Variants in ARSG observed in about 807,000 individuals in gnomAD.
ARSG encodes the protein arylsulfatase G.
Under a neutral mutation model 50.5 loss-of-function variants are expected in ARSG, and 37 were observed. That is an observed-to-expected ratio of 0.73 (90% CI 0.56 to 0.96). ARSG has a LOEUF of 0.96. Among genes scored for constraint, ARSG ranks in the 50% least tolerant of loss-of-function variants. ARSG has a pLI of 0.00. For synonymous variants in ARSG, 225 were observed against 254.6 expected (o/e 0.88, Z 1.11); for missense variants, 629 against 675.3 (o/e 0.93, Z 0.76).
chr17:68,391,603 T>G (rs1030645438), intron 9 of ARSG, among the ~76,000 whole-genome samples: 1 of 152,208 alleles, frequency 6.6e-6, no homozygotes, highest in Non-Finnish European at 1.5e-5. Context: ...CTGACTGATT[T>G]GACCCATCTG....
At chr17:68,277,998 G>A in intron 1 of ARSG, 2 of 795,674 alleles carry the variant, frequency 2.5e-6, no homozygotes, top group East Asian at 2.6e-5. Context: ...GGGAATGAAA[G>A]CATCACAAAC....
the ARSG span, among the ~76,000 whole-genome samples, chr17:68,445,455 G>A: frequency 1.3e-5 from 2 of 152,184 alleles, no homozygotes; most frequent in Non-Finnish European, 2.9e-5. Flanking sequence ...CTCCAGGCCT[G>A]CTTTTGGGCC....
chr17:68,389,546 T>C (rs989515592), intron 9 of ARSG, among the ~76,000 whole-genome samples: 2 of 151,640 alleles, frequency 1.3e-5, no homozygotes, highest in African/African-American at 2.4e-5. Context: ...CAGAAAGAAA[T>C]TTACAACTCA....
chr17:68,407,162 C>T (rs2081764488), intron 11 of ARSG, among the ~76,000 whole-genome samples: 1 of 152,072 alleles, frequency 6.6e-6, no homozygotes, highest in African/African-American at 2.4e-5. Flanking sequence ...TTGGCTTTGT[C>T]GAAGATCAGC....
At chr17:68,411,498 A>G (rs1197236083) in intron 11 of ARSG, among the ~76,000 whole-genome samples, 1 of 152,024 alleles carries the variant, frequency 6.6e-6, no homozygotes, top group Non-Finnish European at 1.5e-5. Context: ...ATAGTTTGTT[A>G]TAATTTCTGT....
downstream of ARSG, chr17:68,425,821 G>A (rs2083131460): frequency 4.9e-6 from 2 of 405,934 alleles, no homozygotes; most frequent in Non-Finnish European, 8.8e-6. Context: ...GCTGGAGGGA[G>A]GCCACCAAGA....
chr17:68,302,179 A>G (rs1485797686), intron 1 of ARSG, among the ~76,000 whole-genome samples: 1 of 152,130 alleles, frequency 6.6e-6, no homozygotes, highest in African/African-American at 2.4e-5. Context: ...TGAGCAGCTG[A>G]TGCCCAAGGC....
chr17:68,347,738 G>T (rs2078578412), intron 4 of ARSG, among the ~76,000 whole-genome samples: 1 of 152,222 alleles, frequency 6.6e-6, no homozygotes, highest in Admixed American at 6.5e-5. Flanking sequence ...CAAAGTTGCA[G>T]TTCGTGCCAC....
chr17:68,335,423 G>A (rs952645432), intron 2 of ARSG, among the ~76,000 whole-genome samples: 2 of 151,420 alleles, frequency 1.3e-5, no homozygotes, highest in Non-Finnish European at 1.5e-5. Flanking sequence ...GCGTAGTGGC[G>A]GGCGCCTGTA....
chr17:68,415,910 A>G (rs1332938901), intron 11 of ARSG, among the ~76,000 whole-genome samples: 1 of 152,146 alleles, frequency 6.6e-6, no homozygotes, highest in East Asian at 1.9e-4. Context: ...GCGAGTCCTT[A>G]TATGTTAGAT....
Position 68,377,151 on chromosome 17 carries a change from C to T in ARSG, c.982+6627C>T, listed in dbSNP as rs565415737. Among the ~76,000 whole-genome samples the T allele has an allele frequency of 8.5e-4, 130 of 152,272 alleles. 1 individual carries two copies. Among genetic ancestry groups the T allele is most frequent in the Admixed American group, 3.2e-3 (49 of 15,288 alleles). The stretch of plus-strand genomic sequence containing the variant: ...TGCTGGGATTACAGGCGTGAGCCAC[C>T]GTGCTTGGCCGACCTCAGCGATCTT... On this transcript the variant is annotated intron_variant, in intron 8 of 11. Coordinates refer to ENST00000621439, the MANE Select transcript of ARSG (RefSeq NM_001267727.2).
intron 2 of ARSG, among the ~76,000 whole-genome samples, chr17:68,312,550 C>T (rs1412057889): frequency 2.6e-5 from 4 of 152,094 alleles, no homozygotes; most frequent in African/African-American, 7.2e-5. Context: ...GTCACACTCT[C>T]ATCCTGAGCA....
chr17:68,338,854 G>A (rs2078144119), intron 2 of ARSG, among the ~76,000 whole-genome samples: 1 of 152,206 alleles, frequency 6.6e-6, no homozygotes, highest in Non-Finnish European at 1.5e-5. Flanking sequence ...AATGAAACTG[G>A]AAGGTCATTG....
At chr17:68,289,928 AGAG>A (rs1313823054), upstream of ARSG, among the ~76,000 whole-genome samples, 1 of 152,350 alleles carries the variant, frequency 6.6e-6, no homozygotes, top group Middle Eastern at 3.4e-3. Context: ...AATTATGAGA[AGAG>A]GGGTTTCTAT....
intron 2 of ARSG, among the ~76,000 whole-genome samples, chr17:68,309,197 G>A (rs1382425907): frequency 6.6e-6 from 1 of 152,242 alleles, no homozygotes; most frequent in African/African-American, 2.4e-5. Flanking sequence ...CCAGCTGGCT[G>A]CTCCGAGTGC....
the ARSG span, chr17:68,444,568 C>A: frequency 6.2e-7 from 1 of 1,613,854 alleles, no homozygotes; most frequent in Non-Finnish European, 8.5e-7. Context: ...TAAATGGACT[C>A]TTCTAGGCAA....
chr17:68,374,219 G>C (rs1478682956), intron 8 of ARSG, among the ~76,000 whole-genome samples: 1 of 151,526 alleles, frequency 6.6e-6, no homozygotes, highest in East Asian at 1.9e-4. Flanking sequence ...GGAGTGGTTT[G>C]TTGCATTAGC....
Position 68,420,293 on chromosome 17 carries a change from A to G in ARSG, c.1408A>G (p.Arg470Gly), listed in dbSNP as rs1225124694. The change falls in exon 12 of 12, where the codon AGA becomes GGA. Residue 470 changes from arginine (R) to glycine (G), a missense_variant. By Grantham distance (125) the Arg-to-Gly change is moderately radical. Transcript: ENST00000621439. Reference sequence around the variant, plus strand: ...TACCGCAGAAGCTGTGCCCCTAGAAAGAGGTGGTGCGGAGTACCAGGCTGT... The same window carrying G: ...TACCGCAGAAGCTGTGCCCCTAGAAGGAGGTGGTGCGGAGTACCAGGCTGT... ...DDTAEAVPLERGGAEYQAVLP... is the reference protein window; with the variant it reads ...DDTAEAVPLEGGGAEYQAVLP... The G allele has an allele frequency of 6.2e-7, 1 of 1,614,166 alleles. No individual in the cohort carries two copies.
chr17:68,404,682 C>T (rs1345425520), intron 11 of ARSG, among the ~76,000 whole-genome samples: 1 of 152,130 alleles, frequency 6.6e-6, no homozygotes, highest in African/African-American at 2.4e-5. Context: ...ATTCCCTTCT[C>T]TATTTTCTGA....
Sources: allele counts gnomAD v4.1 joint callset (sites outside exome capture counted in the v4.1 genomes callset), GRCh38; gene constraint gnomAD v4.1.1; transcripts MANE v1.5; gene names NCBI Gene and HGNC (gene_info 2026-07-23, HGNC 2026-07-21).